The following WWC2 variants were observed in gnomAD, a reference collection of about 807,000 sequenced individuals.
WWC2 encodes the protein protein WWC2.
Under a neutral mutation model 138.5 loss-of-function variants are expected in WWC2, and 101 were observed. That is an observed-to-expected ratio of 0.73 (90% CI 0.62 to 0.86). The LOEUF is 0.86. Among genes scored for constraint, WWC2 ranks in the 40% least tolerant of loss-of-function variants. The pLI, the probability that WWC2 is intolerant of heterozygous loss-of-function variation, is 0.00. For synonymous variants in WWC2, 558 were observed against 538.4 expected (o/e 1.04, Z -0.50); for missense variants, 1,420 against 1,419.4 (o/e 1.00, Z -0.01).
chr4:183,274,253 C>CA (rs1210245131), intron 16 of WWC2, among the ~76,000 whole-genome samples: 2 of 151,968 alleles, frequency 1.3e-5, no homozygotes, highest in Non-Finnish European at 2.9e-5. Flanking sequence ...CTAATTTCTG[C>CA]AAAAAAAGAT....
At chr4:183,239,162 A>G (rs557273540) in intron 4 of WWC2, among the ~76,000 whole-genome samples, 2 of 152,220 alleles carry the variant, frequency 1.3e-5, no homozygotes, top group African/African-American at 4.8e-5. Flanking sequence ...TAAAAACACA[A>G]AAACTAGCCA....
chr4:183,224,271 G>A (rs1020372336), intron 4 of WWC2, among the ~76,000 whole-genome samples: 2 of 152,094 alleles, frequency 1.3e-5, no homozygotes, highest in African/African-American at 2.4e-5. Flanking sequence ...CCATCATGAA[G>A]TGCATGTCTC....
intron 21 of WWC2, among the ~76,000 whole-genome samples, chr4:183,300,341 CTTT>C (rs763942652): frequency 7.3e-6 from 1 of 136,240 alleles, no homozygotes. Context: ...GCAGGAATTT[CTTT>C]TTTTTTTTTT....
intron 16 of WWC2, 111 bp downstream of exon 16, chr4:183,271,352 A>T: frequency 1.2e-6 from 1 of 821,284 alleles, no homozygotes; most frequent in Non-Finnish European, 1.7e-6. Context: ...TGCTTTTATC[A>T]CTTTCACTGT....
At chr4:183,235,887 T>C (rs953959789) in intron 4 of WWC2, among the ~76,000 whole-genome samples, 3 of 152,240 alleles carry the variant, frequency 2.0e-5, no homozygotes, top group Non-Finnish European at 4.4e-5. Flanking sequence ...AATGATTTTT[T>C]GTGTAATATT....
chr4:183,265,084 G>A lies in WWC2; in HGVS notation c.2016G>A (p.Gly672=), dbSNP rs113622650. The A allele has an allele frequency of 4.9e-5, 79 of 1,609,602 alleles. No individual in the cohort carries two copies. The Middle Eastern group carries it at 8.3e-4, about 17-fold the overall frequency. ...ATGAGTCTGTGGCTGGAGACAGTGGGGTCTATGAAGCTTTCGTGAAACAGT... is the reference window on the plus strand; with the variant it reads ...ATGAGTCTGTGGCTGGAGACAGTGGAGTCTATGAAGCTTTCGTGAAACAGT... ...VSDESVAGDS[G]VYEAFVKQPS... is the part of the protein sequence containing the mutation. Residue 672 remains glycine (G), a synonymous_variant, in exon 12 of 23, where the codon GGG becomes GGA. Transcript: ENST00000403733.
intron 8 of WWC2, among the ~76,000 whole-genome samples, chr4:183,251,383 C>G (rs1449078465): frequency 6.6e-6 from 1 of 152,224 alleles, no homozygotes; most frequent in Admixed American, 6.5e-5. Context: ...CAGAAGCAGT[C>G]TTGGAGAACT....
At chr4:183,176,505 C>T (rs1438573966) in intron 1 of WWC2, among the ~76,000 whole-genome samples, 5 of 152,230 alleles carry the variant, frequency 3.3e-5, no homozygotes, top group East Asian at 3.9e-4. Flanking sequence ...TCACTGCAAC[C>T]GCCACCTCCC....
intron 1 of WWC2, among the ~76,000 whole-genome samples, chr4:183,186,460 G>T (rs1253124671): frequency 6.6e-6 from 1 of 152,112 alleles, no homozygotes; most frequent in Non-Finnish European, 1.5e-5. Context: ...ACAGCCTCTA[G>T]GTTAGGATGA....
chr4:183,229,037 A>G (rs1736161412), intron 4 of WWC2, among the ~76,000 whole-genome samples: 2 of 152,056 alleles, frequency 1.3e-5, no homozygotes, highest in African/African-American at 4.8e-5. Context: ...CGTTGAGATA[A>G]TGGTTACTTT....
chr4:183,248,230 T>C (rs937896621), intron 6 of WWC2, among the ~76,000 whole-genome samples: 1 of 152,150 alleles, frequency 6.6e-6, no homozygotes, highest in South Asian at 2.1e-4. Context: ...ATCCCTAACA[T>C]TGATGTGAGC....
intron 13 of WWC2, 41 bp downstream of exon 13, chr4:183,265,809 T>C: frequency 6.2e-7 from 1 of 1,608,978 alleles, no homozygotes; most frequent in Non-Finnish European, 8.5e-7. Context: ...CTGACATCTG[T>C]GCAGGGCAAG....
intron 1 of WWC2, among the ~76,000 whole-genome samples, chr4:183,161,013 CTCTG>C (rs1220805666): frequency 2.2e-4 from 33 of 152,058 alleles, no homozygotes; most frequent in African/African-American, 7.7e-4. Flanking sequence ...ATCTATGCTT[CTCTG>C]TCTGAGAATC....
intron 1 of WWC2, among the ~76,000 whole-genome samples, chr4:183,130,699 G>A (rs377146428): frequency 5.3e-5 from 8 of 152,130 alleles, no homozygotes; most frequent in Non-Finnish European, 1.0e-4. Context: ...ATTTGTCCAC[G>A]TATTTATTCA....
At chr4:183,117,353 T>G (rs1056055986) in intron 1 of WWC2, among the ~76,000 whole-genome samples, 1 of 151,416 alleles carries the variant, frequency 6.6e-6, no homozygotes, top group Non-Finnish European at 1.5e-5. Flanking sequence ...CCTGGGTAGC[T>G]GAGATTACAG....
At position 183,099,328 on chromosome 4, in the gene WWC2, A is replaced by C; in HGVS notation, c.-164A>C. ...GCGGGGCCGCGAACAGCGTTTCCTG[A>C]GGCACCTCCCGCGCGTGGTTCCGCC... On this transcript the variant is annotated 5_prime_UTR_variant, in exon 1 of 23. Coordinates refer to ENST00000403733, the MANE Select transcript of WWC2 (RefSeq NM_024949.6). The C allele has an allele frequency of 1.7e-6, 1 of 587,728 alleles. No individual in the cohort carries two copies. The highest frequency in any genetic ancestry group is 2.3e-6 in the Non-Finnish European group (1 of 432,708). The allele number at this position is 587,728 out of a possible 1,614,324, so 36.4% of individuals were successfully genotyped here.
intron 22 of WWC2, among the ~76,000 whole-genome samples, chr4:183,314,663 A>G (rs1283616498): frequency 6.6e-6 from 1 of 152,206 alleles, no homozygotes; most frequent in Non-Finnish European, 1.5e-5. Flanking sequence ...AAATATCTCA[A>G]ATGCAGGTGC....
At chr4:183,182,592 C>T (rs892720937) in intron 1 of WWC2, among the ~76,000 whole-genome samples, 3 of 152,100 alleles carry the variant, frequency 2.0e-5, no homozygotes, top group Admixed American at 6.5e-5. Flanking sequence ...TGTTTTCTTC[C>T]GTGGCATAAA....
rs779199371 is a variant in WWC2, at chr4:183,193,708, A to G, written c.241A>G (p.Lys81Glu). 4 of 1,611,996 alleles carry G rather than the reference A, an allele frequency of 2.5e-6. No homozygotes were observed. Among genetic ancestry groups the G allele is most frequent in the Non-Finnish European group, 3.4e-6 (4 of 1,178,770 alleles). ...TGTCTACTACATCGATCACATCAAC[A>G]GTAAGTTTTCCTTTTTGGTAAAAGC... ...IGVYYIDHIN[K>E]TTQIEDPRKQ... Residue 81 changes from lysine (K) to glutamate (E), a missense_variant and splice_region_variant, in exon 2 of 23, where the codon AAA (lysine) becomes GAA (glutamate). Transcript: ENST00000403733.
Sources: allele counts gnomAD v4.1 joint callset (sites outside exome capture counted in the v4.1 genomes callset), GRCh38; gene constraint gnomAD v4.1.1; transcripts MANE v1.5; gene names NCBI Gene and HGNC (gene_info 2026-07-23, HGNC 2026-07-21).